PLEKHG1: variants seen among roughly 807,000 people sequenced by gnomAD.
PLEKHG1 encodes the protein pleckstrin homology domain-containing family G member 1.
Under a neutral mutation model 100.8 loss-of-function variants are expected in PLEKHG1, and 44 were observed. The observed-to-expected ratio is 0.44, with a 90% CI of 0.34 to 0.56. The LOEUF (loss-of-function observed/expected upper bound fraction) is 0.56. Ranked by LOEUF, PLEKHG1 falls within the 20% of genes least tolerant of loss-of-function variation. PLEKHG1 has a pLI of 0.01. For missense variants in PLEKHG1, 1,545 were observed against 1,720.9 expected, an observed-to-expected ratio of 0.90 and a Z score of 1.81; for synonymous variants, 640 against 662.5, an observed-to-expected ratio of 0.97 and a Z score of 0.52.
At chr6:150,786,022 C>T (rs1013871861) in intron 3 of PLEKHG1, among the ~76,000 whole-genome samples, 1 of 152,038 alleles carries the variant, frequency 6.6e-6, no homozygotes, top group African/African-American at 2.4e-5. Flanking sequence ...CCATGTCTTA[C>T]TTTGCTCACT....
intron 3 of PLEKHG1, among the ~76,000 whole-genome samples, chr6:150,661,432 A>G (rs1226592436): frequency 6.6e-6 from 1 of 152,218 alleles, no homozygotes; most frequent in African/African-American, 2.4e-5. Flanking sequence ...TTTTTTCCCA[A>G]AAGTTCATTT....
At chr6:150,705,503 G>A (rs1780968467) in intron 3 of PLEKHG1, among the ~76,000 whole-genome samples, 3 of 152,290 alleles carry the variant, frequency 2.0e-5, no homozygotes, top group African/African-American at 4.8e-5. Flanking sequence ...CACTGCCCAC[G>A]CACAGGGCCC....
At chr6:150,839,448 ATTT>A (rs1777399420) in intron 15 of PLEKHG1, among the ~76,000 whole-genome samples, 1 of 152,060 alleles carries the variant, frequency 6.6e-6, no homozygotes, top group Non-Finnish European at 1.5e-5. Context: ...TGCTTGAATG[ATTT>A]TTCATTGACC....
At chr6:150,641,876 CAAAAAAA>C (rs71554473) in intron 2 of PLEKHG1, among the ~76,000 whole-genome samples, 103 of 76,820 alleles carry the variant, frequency 1.3e-3, no homozygotes, top group African/African-American at 5.2e-3. Context: ...TGTGAAAAGG[CAAAAAAA>C]AAAAAAAAAA....
intron 1 of PLEKHG1, among the ~76,000 whole-genome samples, chr6:150,733,364 G>A (rs1290725445): frequency 6.6e-6 from 1 of 152,128 alleles, no homozygotes; most frequent in Non-Finnish European, 1.5e-5. Flanking sequence ...AGCAGGTCGA[G>A]GTCAGAGCCC....
At chr6:150,618,951 G>A (rs1236015395) in intron 1 of PLEKHG1, among the ~76,000 whole-genome samples, 2 of 152,064 alleles carry the variant, frequency 1.3e-5, no homozygotes, top group African/African-American at 4.8e-5. Context: ...GGGCATGGTG[G>A]CAGTATCTGT....
At chr6:150,840,493 A>G in exon 16 of PLEKHG1, 1 of 1,614,240 alleles carries the variant, frequency 6.2e-7, no homozygotes, top group Non-Finnish European at 8.5e-7. Context: ...GTGGTGGTCA[A>G]TAGAAATTTA....
chr6:150,702,588 G>GTGTGTGTGTGTGTGTGTA (rs1562447502), intron 3 of PLEKHG1, among the ~76,000 whole-genome samples: 3 of 151,720 alleles, frequency 2.0e-5, no homozygotes, highest in African/African-American at 7.3e-5. Context: ...GTGTGTGTGT[G>GTGTGTGTGTGTGTGTGTA]TGTACTTATA....
chr6:150,746,296 T>A (rs937958100), intron 2 of PLEKHG1, among the ~76,000 whole-genome samples: 2 of 152,334 alleles, frequency 1.3e-5, no homozygotes, highest in East Asian at 3.9e-4. Flanking sequence ...ATTAATCTCG[T>A]GGGAACAAAT....
chr6:150,794,535 C>T (rs1269410850), intron 4 of PLEKHG1, among the ~76,000 whole-genome samples: 6 of 152,108 alleles, frequency 3.9e-5, no homozygotes, highest in South Asian at 2.1e-4. Flanking sequence ...GGTGTGATAG[C>T]GTACACCTGT....
chr6:150,746,119 CAG>C (rs911022251), intron 2 of PLEKHG1, among the ~76,000 whole-genome samples: 1 of 152,112 alleles, frequency 6.6e-6, no homozygotes, highest in Non-Finnish European at 1.5e-5. Flanking sequence ...CAAATGCACT[CAG>C]GGGAGACCAA....
intron 4 of PLEKHG1, among the ~76,000 whole-genome samples, chr6:150,792,299 T>C (rs534784945): frequency 9.9e-4 from 144 of 145,552 alleles, no homozygotes; most frequent in African/African-American, 3.5e-3. Flanking sequence ...AGAGGTTTCA[T>C]TGAGCTGAGA....
chr6:150,781,379 C>A lies in PLEKHG1; in HGVS notation c.513-5011C>A, dbSNP rs184386138. On this transcript the variant is annotated intron_variant, in intron 3 of 15. Transcript: ENST00000358517. ...AATTAGCCAGACGTGGTGGCACATG[C>A]CTGTAATCCCAGCTACTGGGGAGGC... Among the ~76,000 whole-genome samples the A allele has an allele frequency of 6.4e-3, 965 of 151,662 alleles. 12 individuals carry two copies. The highest frequency in any genetic ancestry group is 0.022 in the African/African-American group (915 of 41,446).
chr6:150,761,495 C>CG (rs1460082449), intron 2 of PLEKHG1, among the ~76,000 whole-genome samples: 1 of 151,848 alleles, frequency 6.6e-6, no homozygotes, highest in Non-Finnish European at 1.5e-5. Flanking sequence ...TTTGTAGAGA[C>CG]GGGGTTTCAG....
At chr6:150,722,555 T>A in intron 1 of PLEKHG1, among the ~76,000 whole-genome samples, 1 of 152,144 alleles carries the variant, frequency 6.6e-6, no homozygotes, top group Non-Finnish European at 1.5e-5. Context: ...GGTTTCACCA[T>A]GTTAGCCAGG....
At chr6:150,716,345 A>G (rs1276016813), upstream of PLEKHG1, among the ~76,000 whole-genome samples, 1 of 152,152 alleles carries the variant, frequency 6.6e-6, no homozygotes, top group Non-Finnish European at 1.5e-5. Flanking sequence ...GTAAAATACT[A>G]TTTGTGTTTT....
chr6:150,776,406 T>C (rs1349408565), intron 3 of PLEKHG1, among the ~76,000 whole-genome samples: 1 of 151,722 alleles, frequency 6.6e-6, no homozygotes, highest in Non-Finnish European at 1.5e-5. Flanking sequence ...CATGTGCAGT[T>C]GCACATTACT....
At chr6:150,766,385 T>C (rs965152267) in intron 2 of PLEKHG1, among the ~76,000 whole-genome samples, 4 of 152,230 alleles carry the variant, frequency 2.6e-5, no homozygotes, top group Non-Finnish European at 5.9e-5. Flanking sequence ...TGAACTGTTA[T>C]TATCACTGAG....
chr6:150,715,874 A>C (rs1338222615), intron 3 of PLEKHG1, among the ~76,000 whole-genome samples: 2 of 147,668 alleles, frequency 1.4e-5, no homozygotes, highest in African/African-American at 2.4e-5. Flanking sequence ...TTTGGGAGGC[A>C]GAGGCGGGCG....
Sources: allele counts gnomAD v4.1 joint callset (sites outside exome capture counted in the v4.1 genomes callset), GRCh38; gene constraint gnomAD v4.1.1; transcripts MANE v1.5; gene names NCBI Gene and HGNC (gene_info 2026-07-23, HGNC 2026-07-21).